ENTPD1: variants seen among roughly 807,000 people sequenced by gnomAD.
The protein encoded by ENTPD1 is ATP diphosphohydrolase.
Under a neutral mutation model 57.0 loss-of-function variants are expected in ENTPD1, and 33 were observed. The ratio of observed to expected loss-of-function variants is 0.58; its 90% CI spans 0.44 to 0.77. ENTPD1 has a LOEUF of 0.77. Ranked by LOEUF, ENTPD1 falls within the 30% of genes least tolerant of loss-of-function variation. ENTPD1 has a pLI of 0.00. For missense variants in ENTPD1, 501 were observed against 603.4 expected (o/e 0.83, Z 1.78); for synonymous variants, 202 against 218.8 (o/e 0.92, Z 0.68).
At chr10:95,731,932 G>A (rs2097989761) in intron 1 of ENTPD1, among the ~76,000 whole-genome samples, 1 of 151,596 alleles carries the variant, frequency 6.6e-6, no homozygotes, top group Admixed American at 6.6e-5. Context: ...ACAGGCACCT[G>A]CTACCACGCC....
intron 1 of ENTPD1, among the ~76,000 whole-genome samples, chr10:95,737,631 C>A (rs1364441161): frequency 6.6e-6 from 1 of 152,122 alleles, no homozygotes. Context: ...AGGTGATCCA[C>A]CTGCTTCGGC....
chr10:95,708,030 T>C (rs2097963206), upstream of ENTPD1, among the ~76,000 whole-genome samples: 1 of 152,178 alleles, frequency 6.6e-6, no homozygotes, highest in Non-Finnish European at 1.5e-5. Flanking sequence ...AATTAGATTG[T>C]CAACAATGAA....
upstream of ENTPD1, among the ~76,000 whole-genome samples, chr10:95,751,714 C>CA (rs57785453): frequency 0.55 from 68,496 of 123,632 alleles, 17,206 homozygotes; most frequent in Admixed American, 0.64. Flanking sequence ...GACATCGTCT[C>CA]AAAAAAAAAA....
intron 1 of ENTPD1, among the ~76,000 whole-genome samples, chr10:95,780,720 G>T (rs772593096): frequency 1.3e-5 from 2 of 152,182 alleles, no homozygotes; most frequent in African/African-American, 2.4e-5. Flanking sequence ...GTATTCAAGG[G>T]CTTTGATCCT....
chr10:95,814,825 T>A (rs1288277916), intron 1 of ENTPD1, among the ~76,000 whole-genome samples: 1 of 152,216 alleles, frequency 6.6e-6, no homozygotes, highest in Non-Finnish European at 1.5e-5. Context: ...TTTACTCAAT[T>A]ACCTTGTCTT....
chr10:95,809,539 C>T (rs1287533212), intron 1 of ENTPD1, among the ~76,000 whole-genome samples: 7 of 145,972 alleles, frequency 4.8e-5, no homozygotes, highest in Non-Finnish European at 7.5e-5. Context: ...AGAGGCGCCC[C>T]CCACCTCCCA....
intron 1 of ENTPD1, among the ~76,000 whole-genome samples, chr10:95,784,644 A>C (rs1359337171): frequency 2.0e-5 from 3 of 152,160 alleles, no homozygotes; most frequent in Admixed American, 2.0e-4. Context: ...TCTGGTGTAC[A>C]TCCAGTGCAC....
At chr10:95,718,391 GCT>G (rs1027632221) in intron 1 of ENTPD1, among the ~76,000 whole-genome samples, 2 of 151,940 alleles carry the variant, frequency 1.3e-5, no homozygotes, top group African/African-American at 4.8e-5. Flanking sequence ...CTGCCTTGCA[GCT>G]CTTCTGGCTT....
At chr10:95,807,599 C>T (rs1002269219) in intron 1 of ENTPD1, among the ~76,000 whole-genome samples, 4 of 152,240 alleles carry the variant, frequency 2.6e-5, no homozygotes, top group Admixed American at 1.3e-4. Flanking sequence ...GTCAATCACA[C>T]TGGGAGCTGC....
chr10:95,723,512 C>T (rs1382676192), intron 1 of ENTPD1, among the ~76,000 whole-genome samples: 1 of 151,538 alleles, frequency 6.6e-6, no homozygotes, highest in Admixed American at 6.6e-5. Flanking sequence ...CCCTTAGATC[C>T]CTTTGGAGAT....
chr10:95,710,119 G>T (rs1195927776), upstream of ENTPD1, among the ~76,000 whole-genome samples: 2 of 150,620 alleles, frequency 1.3e-5, no homozygotes, highest in Non-Finnish European at 3.0e-5. Context: ...TAATAACCAT[G>T]ATAGGCCAGG....
chr10:95,829,685 A>G (rs1264875897), intron 2 of ENTPD1, among the ~76,000 whole-genome samples: 1 of 152,154 alleles, frequency 6.6e-6, no homozygotes, highest in Non-Finnish European at 1.5e-5. Context: ...AGAAGCTGCT[A>G]ATTGTGCCTG....
At chr10:95,806,281 A>T (rs955052265) in intron 1 of ENTPD1, among the ~76,000 whole-genome samples, 4 of 152,114 alleles carry the variant, frequency 2.6e-5, no homozygotes, top group African/African-American at 9.7e-5. Flanking sequence ...ACTTGATCGA[A>T]TCGGCTAATG....
intron 6 of ENTPD1, among the ~76,000 whole-genome samples, chr10:95,846,966 G>A (rs1443805483): frequency 6.6e-6 from 1 of 150,490 alleles, no homozygotes; most frequent in Non-Finnish European, 1.5e-5. Context: ...TCCAGCCTGG[G>A]CGACAGAGCA....
chr10:95,816,903 T>G (rs908647405), intron 1 of ENTPD1, among the ~76,000 whole-genome samples: 32 of 152,254 alleles, frequency 2.1e-4, no homozygotes, highest in African/African-American at 7.7e-4. Flanking sequence ...TTTAAAGTGC[T>G]AAGAGTAGAA....
chr10:95,855,950 G>A lies in ENTPD1; in HGVS notation c.1075-4519G>A, dbSNP rs368270127. ...TCTTCTCGAGGAGTATCTTTGTGGC[G>A]TTCTCTGTATTTCCTTAATTTGAAT... On this transcript the variant is annotated intron_variant, in intron 7 of 9. Transcript: ENST00000371205. Among the ~76,000 whole-genome samples the A allele has an allele frequency of 4.4e-4, 67 of 152,160 alleles. No homozygotes were observed. The East Asian group carries it at 0.011, about 24-fold the overall frequency.
At chr10:95,830,937 A>T (rs1240379756) in intron 2 of ENTPD1, among the ~76,000 whole-genome samples, 3 of 152,210 alleles carry the variant, frequency 2.0e-5, no homozygotes, top group Non-Finnish European at 4.4e-5. Context: ...TGTGTTCCCA[A>T]GATTCCTTTT....
At chr10:95,816,922 A>C (rs1055412066) in intron 1 of ENTPD1, among the ~76,000 whole-genome samples, 3 of 152,248 alleles carry the variant, frequency 2.0e-5, no homozygotes, top group Admixed American at 6.5e-5. Context: ...AATCTGGAAT[A>C]TAGTAAGAAC....
chr10:95,707,025 T>A (rs1566082348), upstream of ENTPD1, among the ~76,000 whole-genome samples: 1 of 152,060 alleles, frequency 6.6e-6, no homozygotes, highest in East Asian at 1.9e-4. Flanking sequence ...CACCCGAGGG[T>A]GCAGGCTGCA....
Sources: gnomAD v4.1 joint callset for allele counts (sites outside exome capture counted in the v4.1 genomes callset) on GRCh38, gnomAD v4.1.1 for gene constraint, MANE v1.5 for transcripts, NCBI Gene and HGNC (gene_info 2026-07-23, HGNC 2026-07-21) for gene names.